Variants in CEP85L observed in about 807,000 individuals in gnomAD.
The protein encoded by CEP85L is centrosomal protein of 85 kDa-like.
Under a neutral mutation model 100.3 loss-of-function variants are expected in CEP85L, and 60 were observed. The observed-to-expected ratio is 0.60, with a 90% confidence interval of 0.49 to 0.74. The LOEUF (loss-of-function observed/expected upper bound fraction) is 0.74. Ranked by LOEUF, CEP85L falls within the 30% of genes least tolerant of loss-of-function variation. The pLI is 0.00. For missense variants in CEP85L, 973 were observed against 936.2 expected, an observed-to-expected ratio of 1.04 and a Z score of -0.51; for synonymous variants, 319 against 322.7, an observed-to-expected ratio of 0.99 and a Z score of 0.12.
At chr6:118,500,988 A>G (rs908067140) in intron 5 of CEP85L, among the ~76,000 whole-genome samples, 3 of 152,062 alleles carry the variant, frequency 2.0e-5, no homozygotes, top group African/African-American at 7.2e-5. Context: ...TGTCCTCTTC[A>G]ATTCTGCTTT....
At chr6:118,591,439 T>A (rs1781184459) in intron 2 of CEP85L, among the ~76,000 whole-genome samples, 1 of 152,136 alleles carries the variant, frequency 6.6e-6, no homozygotes, top group Non-Finnish European at 1.5e-5. Context: ...CAAGTCTTCA[T>A]TTGCATAGAA....
chr6:118,504,116 C>G (rs1775490813), intron 5 of CEP85L, among the ~76,000 whole-genome samples: 1 of 152,082 alleles, frequency 6.6e-6, no homozygotes, highest in Non-Finnish European at 1.5e-5. Flanking sequence ...GCTCACACTT[C>G]TAATCACAGC....
upstream of CEP85L, chr6:118,652,828 G>A (rs1414995904): frequency 9.6e-7 from 1 of 1,040,736 alleles, no homozygotes; most frequent in South Asian, 1.5e-5. Flanking sequence ...AAAAGATACA[G>A]AAACATGAAA....
chr6:118,515,515 CTTAAAAGAATTCAATTCAT>C (rs1310298493), intron 4 of CEP85L, among the ~76,000 whole-genome samples: 1 of 152,098 alleles, frequency 6.6e-6, no homozygotes, highest in Non-Finnish European at 1.5e-5. Flanking sequence ...CACCAACAAA[CTTAAAAGAATTCAATTCAT>C]ATAGAATATA....
chr6:118,580,164 C>G (rs919323399), intron 2 of CEP85L, among the ~76,000 whole-genome samples: 2 of 152,122 alleles, frequency 1.3e-5, no homozygotes, highest in South Asian at 2.1e-4. Context: ...CAGCTTGGAG[C>G]CCCCTCCCTC....
Position 118,460,923 on chromosome 6 carries a change from T to A in CEP85L, c.*4482A>T, listed in dbSNP as rs1182099306. The A allele has an allele frequency of 6.6e-6, 1 of 151,740 alleles. No homozygotes were observed. Among genetic ancestry groups the A allele is most frequent in the African/African-American group, 2.4e-5 (1 of 41,336 alleles). The allele number at this position is 151,740 out of a possible 1,614,324, so 9.4% of individuals were successfully genotyped here. A position where few individuals can be genotyped will look rare whatever the true frequency, so the allele number is the denominator to read the frequency against. On this transcript the variant is annotated 3_prime_UTR_variant, in exon 13 of 13. Coordinates refer to ENST00000368491, the MANE Select transcript of CEP85L (RefSeq NM_001042475.3). ...CATTCAAAATTCTAGCTGTAAACCCTATTAAAAAACAGAACAACAAGAAGA... is the reference window on the plus strand; with the variant it reads ...CATTCAAAATTCTAGCTGTAAACCCAATTAAAAAACAGAACAACAAGAAGA...
intron 5 of CEP85L, 47 bp from the exon 6 acceptor site, chr6:118,491,912 G>A (rs981564155): frequency 7.1e-7 from 1 of 1,399,034 alleles, no homozygotes; most frequent in South Asian, 1.3e-5. Context: ...AGTTTGTCTT[G>A]AACAAATGTG....
intron 3 of CEP85L, among the ~76,000 whole-genome samples, chr6:118,529,222 T>C (rs751166804): frequency 2.0e-5 from 3 of 152,212 alleles, no homozygotes; most frequent in Non-Finnish European, 2.9e-5. Context: ...TGTTAAAGGT[T>C]TTCTGCCTTT....
chr6:118,504,110 A>G (rs1300612526), intron 5 of CEP85L, among the ~76,000 whole-genome samples: 1 of 152,200 alleles, frequency 6.6e-6, no homozygotes, highest in Admixed American at 6.5e-5. Flanking sequence ...GCGGTAGCTC[A>G]CACTTCTAAT....
chr6:118,554,754 A>G (rs2114946533), intron 3 of CEP85L, among the ~76,000 whole-genome samples: 1 of 152,366 alleles, frequency 6.6e-6, no homozygotes, highest in East Asian at 1.9e-4. Context: ...GTGATATTTA[A>G]ACTGAACCTT....
At position 118,567,261 on chromosome 6, in the gene CEP85L, ATATATATATATATATATATATATATATC is replaced by A. The variant is rs1779604423; in HGVS notation, c.233-973_233-946del. Among the ~76,000 whole-genome samples the A allele has an allele frequency of 2.4e-4, 18 of 73,988 alleles. 2 individuals are homozygous for A. Among genetic ancestry groups the A allele is most frequent in the African/African-American group, 8.0e-4 (18 of 22,532 alleles). 48.5% of individuals were successfully genotyped at this position (73,988 alleles called of 152,430 possible). A position where few individuals can be genotyped will look rare whatever the true frequency, so the allele number is the denominator to read the frequency against. Reference sequence around the variant, plus strand: ...TGTGTGTGTGTGTGTATATATATATATATATATATATATATATATATATATATCCATATTCACCCCAAGCTAGAACCTT... The same window carrying A: ...TGTGTGTGTGTGTGTATATATATATACATATTCACCCCAAGCTAGAACCTT... On this transcript the variant is annotated intron_variant, in intron 2 of 12. Transcript: ENST00000368491.
chr6:118,622,460 CT>C (rs1773512529), intron 2 of CEP85L, among the ~76,000 whole-genome samples: 1 of 152,198 alleles, frequency 6.6e-6, no homozygotes, highest in Middle Eastern at 3.2e-3. Context: ...TAACCCTGAC[CT>C]TAACCTGTAT....
intron 1 of CEP85L, among the ~76,000 whole-genome samples, chr6:118,645,761 T>G (rs1034567917): frequency 6.6e-6 from 1 of 152,236 alleles, no homozygotes; most frequent in African/African-American, 2.4e-5. Context: ...AACCTTATCT[T>G]TCTTGTTCAA....
Position 118,464,937 on chromosome 6 carries a change from T to C in CEP85L, c.*468A>G, listed in dbSNP as rs1396447242. ...AATCCCAAAGTACAACACAAGCTTC[T>C]ATATGAAAGAAATATAAGAATAAAC... On this transcript the variant is annotated 3_prime_UTR_variant, in exon 13 of 13. Transcript: ENST00000368491. 3 of 152,892 alleles carry C rather than the reference T, an allele frequency of 2.0e-5. No homozygotes were observed. Among genetic ancestry groups the C allele is most frequent in the Middle Eastern group, 3.4e-3 (1 of 296 alleles). The allele number at this position is 152,892 out of a possible 1,614,324, so 9.5% of individuals were successfully genotyped here.
chr6:118,678,886 C>T (rs923629856), intron 1 of CEP85L, among the ~76,000 whole-genome samples: 3 of 152,096 alleles, frequency 2.0e-5, no homozygotes, highest in Admixed American at 2.0e-4. Flanking sequence ...GAGCCCAGAT[C>T]GTGCTACTGC....
chr6:118,554,786 T>G (rs549629510), intron 3 of CEP85L, among the ~76,000 whole-genome samples: 1 of 152,316 alleles, frequency 6.6e-6, no homozygotes, highest in South Asian at 2.1e-4. Flanking sequence ...GAAGCTTGCA[T>G]GGCAGACAAT....
intron 2 of CEP85L, among the ~76,000 whole-genome samples, chr6:118,621,488 A>G (rs1159901361): frequency 1.3e-5 from 2 of 152,126 alleles, no homozygotes; most frequent in African/African-American, 4.8e-5. Context: ...GATAGCCCTC[A>G]TCTGTTTGGT....
intron 3 of CEP85L, among the ~76,000 whole-genome samples, chr6:118,545,921 T>C (rs1394279967): frequency 6.6e-6 from 1 of 152,194 alleles, no homozygotes; most frequent in Non-Finnish European, 1.5e-5. Flanking sequence ...GGAAAGTTAT[T>C]TGTATAAAGC....
chr6:118,621,533 G>A (rs1176944724), intron 2 of CEP85L, among the ~76,000 whole-genome samples: 2 of 152,150 alleles, frequency 1.3e-5, no homozygotes, highest in Non-Finnish European at 2.9e-5. Context: ...CAATTCTCAA[G>A]TCCAGGCACT....
Sources: gnomAD v4.1 joint callset for allele counts (sites outside exome capture counted in the v4.1 genomes callset) on GRCh38, gnomAD v4.1.1 for gene constraint, MANE v1.5 for transcripts, NCBI Gene and HGNC (gene_info 2026-07-23, HGNC 2026-07-21) for gene names.